PPRC1: variants seen among roughly 807,000 people sequenced by gnomAD.
PPRC1 encodes the protein peroxisome proliferator-activated receptor gamma coactivator-related protein 1.
A neutral mutation model predicts 132.5 loss-of-function variants in PPRC1; 23 were observed. The ratio of observed to expected loss-of-function variants is 0.17; its 90% CI spans 0.12 to 0.25. The LOEUF (loss-of-function observed/expected upper bound fraction) is 0.25. PPRC1 is among the 10% of genes least tolerant of loss of function. PPRC1 has a pLI of 1.00. For missense variants in PPRC1, 2,006 were observed against 2,089.1 expected (o/e 0.96, Z 0.78); for synonymous variants, 872 against 833.5 (o/e 1.05, Z -0.80).
At chr10:102,138,374 T>C (rs2068802820) in intron 2 of PPRC1, among the ~76,000 whole-genome samples, 1 of 152,224 alleles carries the variant, frequency 6.6e-6, no homozygotes, top group Non-Finnish European at 1.5e-5. Context: ...TCCCACATCT[T>C]ATCTGAGGGT....
chr10:102,147,725 AGGTAGTGG>A (rs1361670215), intron 9 of PPRC1, among the ~76,000 whole-genome samples: 1 of 152,092 alleles, frequency 6.6e-6, no homozygotes, highest in Admixed American at 6.6e-5. Context: ...GCGCTATGTG[AGGTAGTGG>A]GTTACTTGTT....
chr10:102,139,013 C>A (rs990022320), intron 4 of PPRC1, 33 bp downstream of exon 4: 1 of 1,605,070 alleles, frequency 6.2e-7, no homozygotes, highest in African/African-American at 1.3e-5. Flanking sequence ...CAGAAACTCC[C>A]AGGTGGGAGG....
chr10:102,133,992 G>C (rs1404257498), intron 1 of PPRC1, among the ~76,000 whole-genome samples: 1 of 152,062 alleles, frequency 6.6e-6, no homozygotes, highest in Non-Finnish European at 1.5e-5. Context: ...GAGTGTGATG[G>C]GGAGGGTAGA....
In PPRC1 at chr10:102,140,677, C is replaced by T. The variant is rs764264530; in HGVS notation, c.2169C>T (p.Ile723=). The T allele has an allele frequency of 2.6e-5, 42 of 1,613,968 alleles. No individual in the cohort carries two copies. The highest frequency in any genetic ancestry group is 3.1e-5 in the Non-Finnish European group (36 of 1,180,018). ...CCTTGGACCCACCAAAGACCATCATCCCTGAAGTCAAAGAGGTTGTGGATT... is the reference window on the plus strand; with the variant it reads ...CCTTGGACCCACCAAAGACCATCATTCCTGAAGTCAAAGAGGTTGTGGATT... ...SESLDPPKTI[I]PEVKEVVDSL... Residue 723 remains isoleucine (I), a synonymous_variant, in exon 5 of 14, where the codon ATC becomes ATT. Transcript: ENST00000278070.
intron 8 of PPRC1, 50 bp downstream of exon 8, chr10:102,145,140 C>G: frequency 2.7e-6 from 4 of 1,495,360 alleles, no homozygotes; most frequent in Non-Finnish European, 3.7e-6. Flanking sequence ...TGCAGCAACA[C>G]TTGCTGAGCC....
At chr10:102,134,533 G>A (rs1397098156) in intron 1 of PPRC1, among the ~76,000 whole-genome samples, 1 of 152,164 alleles carries the variant, frequency 6.6e-6, no homozygotes, top group African/African-American at 2.4e-5. Flanking sequence ...AGCATTTTTT[G>A]TGTGTTACTA....
In PPRC1 at chr10:102,141,960, C is replaced by T. The variant is rs1161777584; in HGVS notation, c.3452C>T (p.Thr1151Ile). 2 of 1,613,816 alleles carry T rather than the reference C, an allele frequency of 1.2e-6. No homozygotes were observed. The highest frequency in any genetic ancestry group is 2.2e-5 in the South Asian group (2 of 91,058). Reference protein sequence around the residue: ...RKLSFLPTPRTQGSEDVVQAF... With the variant: ...RKLSFLPTPRIQGSEDVVQAF... The stretch of plus-strand genomic sequence containing the variant: ...CTGTCCTTCCTGCCTACCCCACGTA[C>T]TCAGGGTTCTGAAGATGTGGTACAG... The change falls in exon 5 of 14, where the codon ACT (threonine) becomes ATT (isoleucine). Residue 1151 changes from threonine to isoleucine, a missense_variant. Coordinates refer to ENST00000278070, the MANE Select transcript of PPRC1 (RefSeq NM_015062.5).
chr10:102,144,487 G>A, intron 7 of PPRC1, 180 bp downstream of exon 7: 2 of 629,234 alleles, frequency 3.2e-6, no homozygotes, highest in East Asian at 2.8e-5. Flanking sequence ...GGGTGGTGAG[G>A]TGAGAACGGG....
the PPRC1 span, among the ~76,000 whole-genome samples, chr10:102,125,860 T>C: frequency 1.3e-5 from 2 of 149,900 alleles, no homozygotes; most frequent in African/African-American, 4.9e-5. Flanking sequence ...TCTTTCTTTC[T>C]TTTCTTTTTT....
At position 102,140,740 on chromosome 10, in the gene PPRC1, T is replaced by C; in HGVS notation, c.2232T>C (p.His744=). The part of the protein sequence containing the change: ...KIESGTSATT[H]EARPRPLSLS... ...AAAGTGGTACCAGTGCTACAACCCA[T>C]GAAGCCAGACCTCGGCCTCTCAGCT... is the stretch of plus-strand genomic sequence containing the variant. The change falls in exon 5 of 14, where the codon CAT becomes CAC. Residue 744 remains histidine (H), a synonymous_variant. Transcript: ENST00000278070. The C allele has an allele frequency of 6.2e-7, 1 of 1,614,002 alleles. No individual in the cohort carries two copies.
At chr10:102,127,628 G>T in the PPRC1 span, among the ~76,000 whole-genome samples, 1 of 151,844 alleles carries the variant, frequency 6.6e-6, no homozygotes, top group Non-Finnish European at 1.5e-5. Flanking sequence ...GGGTAGTCTT[G>T]ATCTCCTGAC....
In PPRC1 at chr10:102,148,562, G is replaced by C. The variant is rs1319931727; in HGVS notation, c.4550+41G>C. ...GGGAGCGCCATGCACCTGGGATGCAGGTGCCTAAGAGTTGAGTCTTGAATT... is the reference window on the plus strand; with the variant it reads ...GGGAGCGCCATGCACCTGGGATGCACGTGCCTAAGAGTTGAGTCTTGAATT... On this transcript the variant is annotated intron_variant, in intron 10 of 13. Transcript: ENST00000278070. The surrounding 1 kb of genome is among the most constrained non-coding windows in gnomAD (Gnocchi z 4.2). 3.1e-6 allele frequency: 5 copies of C among 1,612,486 alleles called. No homozygotes were observed. The highest frequency in any genetic ancestry group is 1.7e-4 in the Middle Eastern group (1 of 6,060).
chr10:102,141,702 A>G lies in PPRC1; in HGVS notation c.3194A>G (p.His1065Arg). ...VEVKPVPASPHPKHKVSALVQ... is the reference protein window; with the variant it reads ...VEVKPVPASPRPKHKVSALVQ... ...GTCAAGCCAGTGCCTGCATCTCCCCATCCGAAACACAAGGTGTCTGCCCTG... is the reference window on the plus strand; with the variant it reads ...GTCAAGCCAGTGCCTGCATCTCCCCGTCCGAAACACAAGGTGTCTGCCCTG... Residue 1065 changes from histidine (H) to arginine (R), a missense_variant, in exon 5 of 14, where the codon CAT becomes CGT. His to Arg is a conservative substitution (Grantham distance 29). Around this residue, in one of 2 missense-constraint regions of PPRC1, gnomAD observed 1,914 missense variants for 1,917.2 expected, o/e 1.00. Coordinates refer to ENST00000278070, the MANE Select transcript of PPRC1 (RefSeq NM_015062.5). The G allele has an allele frequency of 6.2e-7, 1 of 1,613,998 alleles. No individual in the cohort carries two copies. Among genetic ancestry groups the G allele is most frequent in the Non-Finnish European group, 8.5e-7 (1 of 1,179,924 alleles).
chr10:102,140,036 A>G lies in PPRC1; in HGVS notation c.1528A>G (p.Lys510Glu), dbSNP rs779242828. The change falls in exon 5 of 14, where the codon AAA (lysine) becomes GAA (glutamate). Residue 510 changes from lysine (K) to glutamate (E), a missense_variant. By Grantham distance (56) the Lys-to-Glu change is moderately conservative. Coordinates refer to ENST00000278070, the MANE Select transcript of PPRC1 (RefSeq NM_015062.5). ...LQKQPQEELQKESGPLQGKGK... is the reference protein window; with the variant it reads ...LQKQPQEELQEESGPLQGKGK... ...GAAACAGCCTCAGGAAGAACTTCAA[A>G]AAGAGTCTGGGCCTCTCCAGGGTAA... The G allele has an allele frequency of 1.2e-6, 2 of 1,614,204 alleles. No individual in the cohort carries two copies. Among genetic ancestry groups the G allele is most frequent in the South Asian group, 1.1e-5 (1 of 91,090 alleles).
At chr10:102,119,978 C>T in the PPRC1 span, 1 of 836,850 alleles carries the variant, frequency 1.2e-6, no homozygotes, top group African/African-American at 1.8e-5. Flanking sequence ...CCCCCGGCTT[C>T]CCCCATGCCA....
At chr10:102,133,017 T>G (rs2068575329), upstream of PPRC1, 3 of 1,237,128 alleles carry the variant, frequency 2.4e-6, no homozygotes, top group Non-Finnish European at 3.0e-6. Flanking sequence ...CACAATCGGC[T>G]GGGCGAGGCG....
chr10:102,133,795 G>A (rs1178930138), intron 1 of PPRC1, among the ~76,000 whole-genome samples: 1 of 152,014 alleles, frequency 6.6e-6, no homozygotes, highest in Non-Finnish European at 1.5e-5. Context: ...TGTCTCCACG[G>A]GTCCCGCCAT....
At chr10:102,146,392 G>T (rs886243142) in intron 8 of PPRC1, among the ~76,000 whole-genome samples, 2 of 152,092 alleles carry the variant, frequency 1.3e-5, no homozygotes, top group Non-Finnish European at 2.9e-5. Context: ...GGGCGGATCT[G>T]AGAATGGAGA....
intron 9 of PPRC1, among the ~76,000 whole-genome samples, chr10:102,147,715 G>T (rs2069325675): frequency 1.3e-5 from 2 of 152,052 alleles, no homozygotes; most frequent in South Asian, 4.2e-4. Context: ...GGTATTCTGG[G>T]CGCTATGTGA....
Sources: allele counts gnomAD v4.1 joint callset (sites outside exome capture counted in the v4.1 genomes callset), GRCh38; gene constraint gnomAD v4.1.1; regional missense constraint gnomAD v4.1.1; non-coding constraint Gnocchi (gnomAD v3.1); transcripts MANE v1.5; gene names NCBI Gene and HGNC (gene_info 2026-07-23, HGNC 2026-07-21).